Variants in SETX observed in about 807,000 individuals in gnomAD.
SETX encodes senataxin.
A neutral mutation model predicts 227.2 loss-of-function variants in SETX; 90 were observed. The observed-to-expected ratio is 0.40, with a 90% CI of 0.33 to 0.47. SETX has a LOEUF of 0.47. Among genes scored for constraint, SETX ranks in the 20% least tolerant of loss-of-function variants. The probability of loss-of-function intolerance (pLI) is 0.91; values close to 1 mark genes in which losing one functional copy is unlikely to be tolerated. For synonymous variants in SETX, 1,210 were observed against 1,113.2 expected, an observed-to-expected ratio of 1.09 and a Z score of -1.73; for missense variants, 3,052 against 3,181.5, an observed-to-expected ratio of 0.96 and a Z score of 0.98.
chr9:132,330,942 A>G (rs907486786), intron 9 of SETX, 110 bp downstream of exon 9: 3 of 856,404 alleles, frequency 3.5e-6, no homozygotes, highest in African/African-American at 3.3e-5. Flanking sequence ...ATAGCAGTAG[A>G]TTGAGAACAG....
In SETX at chr9:132,283,387, C is replaced by CT. The variant is rs768349691; in HGVS notation, c.6422dup (p.Ser2142GlufsTer23). On this transcript the variant is annotated frameshift_variant, in exon 19 of 26. Transcript: ENST00000224140. LOFTEE classifies it high-confidence loss of function. ...TATGGGACTCTAAGATGATGATACT[C>CT]TGTGTTTTCTGTGGGCGTCCTTGAA... 8 of 1,614,194 alleles carry CT rather than the reference C, an allele frequency of 5.0e-6. No individual in the cohort carries two copies. The South Asian group carries it at 8.8e-5, about 18-fold the overall frequency.
chr9:132,349,498 T>A (rs546957570), intron 2 of SETX, 63 bp from the exon 3 acceptor site: 2 of 1,520,858 alleles, frequency 1.3e-6, no homozygotes, highest in Admixed American at 1.7e-5. Flanking sequence ...GTGTCAAGAA[T>A]AGGTACACTT....
At chr9:132,265,477 A>G (rs751089121) in intron 25 of SETX, among the ~76,000 whole-genome samples, 1 of 152,234 alleles carries the variant, frequency 6.6e-6, no homozygotes, top group Non-Finnish European at 1.5e-5. Context: ...CGCCCGCCTC[A>G]GCTCCCAAAG....
At position 132,271,823 on chromosome 9, in the gene SETX, G is replaced by T; in HGVS notation, c.7101-15C>A. The T allele has an allele frequency of 1.3e-6, 2 of 1,594,692 alleles. No homozygotes were observed. The highest frequency in any genetic ancestry group is 1.7e-6 in the Non-Finnish European group (2 of 1,162,840). ...CTTCTGCTGGTCTATTTACAAAAGA[G>T]AAACATATTTACTGGAAAAAGGAAG... On this transcript the variant is annotated splice_polypyrimidine_tract_variant and intron_variant, in intron 23 of 25. Transcript: ENST00000224140.
chr9:132,278,437 C>CT (rs67558000), intron 20 of SETX, among the ~76,000 whole-genome samples, 180 bp from the exon 21 acceptor site: 1,042 of 84,772 alleles, frequency 0.012, 149 homozygotes, highest in Non-Finnish European at 0.019. Flanking sequence ...TGCCATGAAT[C>CT]TTTTTTTTTT....
intron 17 of SETX, among the ~76,000 whole-genome samples, chr9:132,287,107 C>T (rs1490654896): frequency 6.6e-6 from 1 of 152,154 alleles, no homozygotes; most frequent in Non-Finnish European, 1.5e-5. Flanking sequence ...TTCTGTCTAA[C>T]CTAATTTGAA....
chr9:132,325,385 G>C (rs890485644), intron 10 of SETX, among the ~76,000 whole-genome samples: 8 of 151,996 alleles, frequency 5.3e-5, no homozygotes, highest in Admixed American at 4.6e-4. Flanking sequence ...AAGAAAGAAA[G>C]AAACTGGGAA....
intron 25 of SETX, among the ~76,000 whole-genome samples, chr9:132,268,526 G>C (rs771473248): frequency 2.6e-5 from 4 of 152,182 alleles, no homozygotes; most frequent in African/African-American, 9.7e-5. Context: ...TTTTGTGAGA[G>C]AGGTGTAGAT....
rs986382034 is a variant in SETX at position 132,261,543 on chromosome 9, G to A, written c.*2696C>T. 2 of 152,462 alleles carry A rather than the reference G, an allele frequency of 1.3e-5. No homozygotes were observed. The highest frequency in any genetic ancestry group is 2.9e-5 in the Non-Finnish European group (2 of 68,042). 9.4% of individuals were successfully genotyped at this position (152,462 alleles called of 1,614,324 possible). Reference sequence around the variant, plus strand: ...CTGCCATTTCCTCTTAAAATTTAGGGTTTAACAAAGACAACAGGGCTGTTT... The same window carrying A: ...CTGCCATTTCCTCTTAAAATTTAGGATTTAACAAAGACAACAGGGCTGTTT... On this transcript the variant is annotated 3_prime_UTR_variant, in exon 26 of 26. Transcript: ENST00000224140.
chr9:132,284,523 G>A (rs1843725483), intron 18 of SETX, among the ~76,000 whole-genome samples: 1 of 152,202 alleles, frequency 6.6e-6, no homozygotes, highest in Non-Finnish European at 1.5e-5. Flanking sequence ...AGTGTGGTTT[G>A]ATTAGGGCTG....
chr9:132,343,592 G>A (rs189434876), intron 4 of SETX, among the ~76,000 whole-genome samples: 135 of 152,154 alleles, frequency 8.9e-4, no homozygotes, highest in African/African-American at 3.1e-3. Context: ...AAAAAATATT[G>A]TCGTTTTTTC....
At chr9:132,343,946 A>G (rs1848139934) in intron 4 of SETX, among the ~76,000 whole-genome samples, 1 of 152,132 alleles carries the variant, frequency 6.6e-6, no homozygotes, top group Non-Finnish European at 1.5e-5. Context: ...TCCCTCAACA[A>G]GTCAAACTCA....
At chr9:132,288,500 C>T (rs1844071372) in intron 16 of SETX, 50 bp downstream of exon 16, 1 of 1,517,902 alleles carries the variant, frequency 6.6e-7, no homozygotes, top group Non-Finnish European at 9.1e-7. Context: ...AGTCATTTTC[C>T]ACCAAACAAA....
intron 15 of SETX, 52 bp downstream of exon 15, chr9:132,295,820 A>G (rs1248145243): frequency 1.9e-6 from 3 of 1,556,710 alleles, no homozygotes; most frequent in Non-Finnish European, 8.8e-7. Context: ...AAAGTTGCCT[A>G]CACTTAACAC....
intron 2 of SETX, among the ~76,000 whole-genome samples, chr9:132,351,985 C>CA (rs1340307568): frequency 6.6e-5 from 10 of 152,348 alleles, no homozygotes; most frequent in Non-Finnish European, 8.8e-5. Flanking sequence ...TAATTTTCTA[C>CA]AGACTTATCC....
At chr9:132,306,610 ATTTCTT>A (rs1794644546) in intron 11 of SETX, among the ~76,000 whole-genome samples, 1 of 152,136 alleles carries the variant, frequency 6.6e-6, no homozygotes, top group Admixed American at 6.5e-5. Context: ...CTTCAATTGT[ATTTCTT>A]TTTAAGGCTT....
chr9:132,271,631 T>A (rs200498669), intron 24 of SETX, 79 bp downstream of exon 24: 1 of 1,144,688 alleles, frequency 8.7e-7, no homozygotes, highest in East Asian at 2.3e-5. Flanking sequence ...TCTCTAACAG[T>A]GATAATGAAC....
intron 3 of SETX, among the ~76,000 whole-genome samples, chr9:132,348,089 T>C (rs1415209840): frequency 1.3e-5 from 2 of 150,486 alleles, no homozygotes; most frequent in Non-Finnish European, 3.0e-5. Flanking sequence ...CCAGGCGCAG[T>C]GGCTCACAGC....
At chr9:132,352,248 C>T (rs1478198540) in intron 2 of SETX, among the ~76,000 whole-genome samples, 1 of 152,320 alleles carries the variant, frequency 6.6e-6, no homozygotes, top group African/African-American at 2.4e-5. Flanking sequence ...CTTTCCTTAC[C>T]TACAACACAC....
Sources: allele counts gnomAD v4.1 joint callset (sites outside exome capture counted in the v4.1 genomes callset), GRCh38; gene constraint gnomAD v4.1.1; transcripts MANE v1.5; gene names NCBI Gene and HGNC (gene_info 2026-07-23, HGNC 2026-07-21).